KL: variants seen among roughly 807,000 people sequenced by gnomAD.
KL encodes klotho, also known as alpha-klotho.
A neutral mutation model predicts 84.2 loss-of-function variants in KL; 62 were observed. That is an observed-to-expected ratio of 0.74 (90% CI 0.60 to 0.91). The LOEUF is 0.91. Ranked by LOEUF, KL falls within the 40% of genes least tolerant of loss-of-function variation. The pLI is 0.00. For synonymous variants in KL, 528 were observed against 528.0 expected (o/e 1.00, Z 0.00); for missense variants, 1,261 against 1,305.7 (o/e 0.97, Z 0.53).
chr13:33,016,620 C>T lies in KL; in HGVS notation c.180C>T (p.Thr60=). 1.3e-6 allele frequency: 2 copies of T among 1,544,104 alleles called. No homozygotes were observed. The highest frequency in any genetic ancestry group is 1.2e-5 in the South Asian group (1 of 82,626). ...APEAAGLFQG[T]FPDGFLWAVG... The stretch of plus-strand genomic sequence containing the variant: ...AGGCCGCGGGCCTCTTCCAGGGCAC[C>T]TTCCCCGACGGCTTCCTCTGGGCCG... The change falls in exon 1 of 5, where the codon ACC becomes ACT. Residue 60 remains threonine (T), a synonymous_variant. Coordinates refer to ENST00000380099, the MANE Select transcript of KL (RefSeq NM_004795.4).
chr13:33,017,816 G>A (rs1040105144), intron 1 of KL, among the ~76,000 whole-genome samples: 1 of 152,202 alleles, frequency 6.6e-6, no homozygotes, highest in Non-Finnish European at 1.5e-5. Flanking sequence ...GCAGGGAACT[G>A]CATCCACCAA....
At position 33,055,188 on chromosome 13, in the gene KL, A is replaced by G. The variant is rs1871911402; in HGVS notation, c.1472A>G (p.Lys491Arg). 6.2e-7 allele frequency: 1 copy of G among 1,614,100 alleles called. No homozygotes were observed. The highest frequency in any genetic ancestry group is 8.5e-7 in the Non-Finnish European group (1 of 1,180,050). ...AGCCAGGACAAGATGTTGTTGCCAAAGTCTTCAGCCTTGTTCTACCAAAAG... is the reference window on the plus strand; with the variant it reads ...AGCCAGGACAAGATGTTGTTGCCAAGGTCTTCAGCCTTGTTCTACCAAAAG... ...FLSQDKMLLP[K>R]SSALFYQKLI... Residue 491 changes from lysine (K) to arginine (R), a missense_variant, in exon 3 of 5, where the codon AAG (lysine) becomes AGG (arginine). Lys to Arg is a conservative substitution (Grantham distance 26). Coordinates refer to ENST00000380099, the MANE Select transcript of KL (RefSeq NM_004795.4).
At chr13:33,019,947 C>T (rs1198237501) in intron 1 of KL, among the ~76,000 whole-genome samples, 3 of 152,232 alleles carry the variant, frequency 2.0e-5, no homozygotes, top group South Asian at 2.1e-4. Flanking sequence ...TTAATGTCCC[C>T]TGAAATCAGC....
chr13:33,055,161 T>C lies in KL; in HGVS notation c.1445T>C (p.Leu482Pro). 6.2e-7 allele frequency: 1 copy of C among 1,614,238 alleles called. No individual in the cohort carries two copies. Among genetic ancestry groups the C allele is most frequent in the East Asian group, 2.2e-5 (1 of 44,888 alleles). ...CGTGGACTCTTCTATGTTGACTTTC[T>C]AAGCCAGGACAAGATGTTGTTGCCA... ...IRRGLFYVDF[L>P]SQDKMLLPKS... is the part of the protein sequence containing the mutation. Residue 482 changes from leucine to proline, a missense_variant, in exon 3 of 5, where the codon CTA becomes CCA. By Grantham distance (98) the Leu-to-Pro change is moderately conservative (BLOSUM62 -3). Transcript: ENST00000380099.
intron 1 of KL, among the ~76,000 whole-genome samples, chr13:33,035,755 G>C (rs1871129141): frequency 6.6e-6 from 1 of 152,128 alleles, no homozygotes; most frequent in Non-Finnish European, 1.5e-5. Flanking sequence ...TCACAAGCTG[G>C]ATATTTTGTT....
chr13:33,046,868 C>T (rs758553430), intron 1 of KL, among the ~76,000 whole-genome samples: 4 of 151,692 alleles, frequency 2.6e-5, no homozygotes, highest in East Asian at 1.9e-4. Context: ...CACATTTAAG[C>T]TTTTGCTAAT....
rs771328569 is a variant in KL, at chr13:33,016,960, C to G, written c.520C>G (p.Arg174Gly). 1 of 1,602,654 alleles carries G rather than the reference C, an allele frequency of 6.2e-7. No individual in the cohort carries two copies. Among genetic ancestry groups the G allele is most frequent in the Admixed American group, 1.7e-5 (1 of 59,070 alleles). Residue 174 changes from arginine (R) to glycine (G), a missense_variant, in exon 1 of 5, where the codon CGG (arginine) becomes GGG (glycine). Transcript: ENST00000380099. ...CAACCGCGAGGGGCTGCGCTACTAC[C>G]GGCGCCTGCTGGAGCGGCTGCGGGA... ...VPNREGLRYYRRLLERLRELG... is the reference protein window; with the variant it reads ...VPNREGLRYYGRLLERLRELG...
Position 33,016,659 on chromosome 13 carries a change from C to G in KL, c.219C>G (p.Ala73=), listed in dbSNP as rs1343733749. Residue 73 remains alanine (A), a synonymous_variant, in exon 1 of 5, where the codon GCC becomes GCG. Coordinates refer to ENST00000380099, the MANE Select transcript of KL (RefSeq NM_004795.4). ...TCCTCTGGGCCGTGGGCAGCGCCGC[C>G]TACCAGACCGAGGGCGGCTGGCAGC... The part of the protein sequence containing the change: ...DGFLWAVGSA[A]YQTEGGWQQH... 1.3e-6 allele frequency: 2 copies of G among 1,588,338 alleles called. No individual in the cohort carries two copies. Among genetic ancestry groups the G allele is most frequent in the Non-Finnish European group, 1.7e-6 (2 of 1,167,710 alleles).
chr13:33,024,445 T>C (rs1319822799), intron 1 of KL, among the ~76,000 whole-genome samples: 1 of 152,196 alleles, frequency 6.6e-6, no homozygotes, highest in East Asian at 1.9e-4. Flanking sequence ...TGTCTCATCA[T>C]CCATCACCAT....
At chr13:33,021,091 A>T (rs1280834334) in intron 1 of KL, among the ~76,000 whole-genome samples, 1 of 152,118 alleles carries the variant, frequency 6.6e-6, no homozygotes, top group African/African-American at 2.4e-5. Flanking sequence ...CTTCATCTGT[A>T]TCTCTGAAAA....
chr13:33,027,470 C>T (rs1279346511), intron 1 of KL, among the ~76,000 whole-genome samples: 1 of 152,192 alleles, frequency 6.6e-6, no homozygotes, highest in Non-Finnish European at 1.5e-5. Context: ...GCAAGTCTAT[C>T]AGGTCCTAGG....
At chr13:33,029,685 G>A (rs561420383) in intron 1 of KL, among the ~76,000 whole-genome samples, 30 of 152,224 alleles carry the variant, frequency 2.0e-4, no homozygotes, top group Admixed American at 5.2e-4. Flanking sequence ...CCAGGCTGGA[G>A]TGCAGTGGCA....
At chr13:33,042,744 C>T (rs749508924) in intron 1 of KL, among the ~76,000 whole-genome samples, 4 of 152,108 alleles carry the variant, frequency 2.6e-5, no homozygotes, top group African/African-American at 4.8e-5. Context: ...GCAGTGGCAG[C>T]GATCTCAGCT....
chr13:33,032,217 C>G (rs1210643420), intron 1 of KL, among the ~76,000 whole-genome samples: 1 of 152,240 alleles, frequency 6.6e-6, no homozygotes, highest in Admixed American at 6.5e-5. Context: ...AGAGTGTCAT[C>G]ATTACATCAT....
chr13:33,064,195 A>AT lies in KL; in HGVS notation c.*14dup, dbSNP rs1478724367. 4 of 1,560,436 alleles carry AT rather than the reference A, an allele frequency of 2.6e-6. No individual in the cohort carries two copies. Among genetic ancestry groups the AT allele is most frequent in the Non-Finnish European group, 3.5e-6 (4 of 1,133,260 alleles). On this transcript the variant is annotated 3_prime_UTR_variant, in exon 5 of 5. Transcript: ENST00000380099. ...GAAGAAGTTACAAATAGTTCTGAAC[A>AT]TTTTTCTATTCATTCATTTTGAAAT...
chr13:33,064,942 C>T lies in KL; in HGVS notation c.*756C>T. On this transcript the variant is annotated 3_prime_UTR_variant, in exon 5 of 5. Transcript: ENST00000380099. ...ATCTGCGGAAAAACAAACATGAATC[C>T]TGTGATATTGGGCTCTTCAGGAAGC... 1 of 228,634 alleles carries T rather than the reference C, an allele frequency of 4.4e-6. No homozygotes were observed. Among genetic ancestry groups the T allele is most frequent in the Non-Finnish European group, 8.7e-6 (1 of 115,248 alleles). 14.2% of individuals were successfully genotyped at this position (228,634 alleles called of 1,614,324 possible).
Position 33,061,716 on chromosome 13 carries a change from G to C in KL, c.2637G>C (p.Leu879=). The C allele has an allele frequency of 6.2e-7, 1 of 1,614,024 alleles. No homozygotes were observed. Among genetic ancestry groups the C allele is most frequent in the South Asian group, 1.1e-5 (1 of 91,086 alleles). Reference sequence around the variant, plus strand: ...TATCCAATGGAATCGATGACGGGCTGCATGCTGAGGACGACCAGCTGAGGG... The same window carrying C: ...TATCCAATGGAATCGATGACGGGCTCCATGCTGAGGACGACCAGCTGAGGG... ...YIISNGIDDG[L]HAEDDQLRVY... The change falls in exon 4 of 5, where the codon CTG becomes CTC. Residue 879 remains leucine (L), a synonymous_variant. Coordinates refer to ENST00000380099, the MANE Select transcript of KL (RefSeq NM_004795.4).
intron 1 of KL, among the ~76,000 whole-genome samples, chr13:33,050,859 C>T (rs1453291414): frequency 6.6e-6 from 1 of 152,220 alleles, no homozygotes; most frequent in Non-Finnish European, 1.5e-5. Flanking sequence ...GTCATTTAAT[C>T]CTCACAGTGT....
rs770170015 is a variant in KL, at chr13:33,064,046, T to C, written c.2899T>C (p.Phe967Leu). The C allele has an allele frequency of 6.8e-6, 11 of 1,614,200 alleles. No homozygotes were observed. The highest frequency in any genetic ancestry group is 9.3e-6 in the Non-Finnish European group (11 of 1,180,028). ...ETLERFCPEE[F>L]TVCTECSFFH... ...TCTGGAAAGATTTTGTCCAGAAGAATTCACCGTGTGTACTGAGTGCAGTTT... is the reference window on the plus strand; with the variant it reads ...TCTGGAAAGATTTTGTCCAGAAGAACTCACCGTGTGTACTGAGTGCAGTTT... Residue 967 changes from phenylalanine (F) to leucine (L), a missense_variant, in exon 5 of 5, where the codon TTC becomes CTC. Physicochemically the swap from Phe to Leu is conservative, Grantham distance 22 (BLOSUM62 0). Coordinates refer to ENST00000380099, the MANE Select transcript of KL (RefSeq NM_004795.4).
Sources: gnomAD v4.1 joint callset for allele counts (sites outside exome capture counted in the v4.1 genomes callset) on GRCh38, gnomAD v4.1.1 for gene constraint, MANE v1.5 for transcripts, NCBI Gene and HGNC (gene_info 2026-07-23, HGNC 2026-07-21) for gene names.